Variants in KIAA0586 observed in about 807,000 individuals in gnomAD.
The protein encoded by KIAA0586 is KIAA0586, also known as protein TALPID3.
KIAA0586 carries 144 observed loss-of-function variants against 169.8 expected under a neutral mutation model. The ratio of observed to expected loss-of-function variants is 0.85; its 90% CI spans 0.74 to 0.97. KIAA0586 has a LOEUF of 0.97. Ranked by LOEUF, KIAA0586 falls within the 50% of genes least tolerant of loss-of-function variation. The pLI is 0.00. For synonymous variants in KIAA0586, 625 were observed against 612.4 expected (o/e 1.02, Z -0.30); for missense variants, 1,854 against 1,823.0 (o/e 1.02, Z -0.31).
chr14:58,513,305 A>G (rs1738791298), intron 29 of KIAA0586, among the ~76,000 whole-genome samples: 1 of 152,124 alleles, frequency 6.6e-6, no homozygotes, highest in Non-Finnish European at 1.5e-5. Flanking sequence ...TGGAAGAAGT[A>G]TTAGAAATAT....
chr14:58,484,900 A>ATATTTATATATATTTTTT (rs1555391503), intron 21 of KIAA0586, among the ~76,000 whole-genome samples: 2 of 9,164 alleles, frequency 2.2e-4, no homozygotes, highest in African/African-American at 3.3e-4. Context: ...TTATATATAT[A>ATATTTATATATATTTTTT]TATATATATA....
At chr14:58,547,212 T>C (rs1028136615) in intron 30 of KIAA0586, among the ~76,000 whole-genome samples, 1 of 151,986 alleles carries the variant, frequency 6.6e-6, no homozygotes. Context: ...CTGGCTATTA[T>C]AGTGTTTTAT....
intron 4 of KIAA0586, 61 bp from the exon 5 acceptor site, chr14:58,442,645 A>G (rs2038495652): frequency 3.3e-6 from 4 of 1,203,526 alleles, no homozygotes; most frequent in Non-Finnish European, 3.4e-6. Context: ...TTTGTTAAGT[A>G]TTTCTTGAAA....
intron 20 of KIAA0586, among the ~76,000 whole-genome samples, chr14:58,481,773 C>A (rs544031080): frequency 2.0e-5 from 3 of 151,060 alleles, no homozygotes; most frequent in Non-Finnish European, 4.4e-5. Context: ...CACCCTCCCC[C>A]ACCCACCCCC....
rs185998219 is a variant in KIAA0586 at position 58,527,023 on chromosome 14, G to A, written c.4430-13048G>A. 3.9e-5 allele frequency among the ~76,000 whole-genome samples: 6 copies of A among 152,148 alleles called. No individual in the cohort carries two copies. The East Asian group carries it at 1.2e-3, about 29-fold the overall frequency. ...AGAAGAACATAAATGACCTGATGGA[G>A]CTGAAAAACACAGCTCCAGAACTTT... is the stretch of plus-strand genomic sequence containing the variant. On this transcript the variant is annotated intron_variant, in intron 29 of 30. Coordinates refer to ENST00000652326, the MANE Select transcript of KIAA0586 (RefSeq NM_001329943.3).
rs554146998 is a variant in KIAA0586, at chr14:58,432,546, A to C, written c.410+89A>C. 2,112 of 678,182 alleles carry C rather than the reference A, an allele frequency of 3.1e-3. 11 individuals are homozygous for C. The highest frequency in any genetic ancestry group is 4.5e-3 in the Non-Finnish European group (1,784 of 395,326). 42.0% of individuals were successfully genotyped at this position (678,182 alleles called of 1,614,324 possible). ...TGGACATATGAAAAACCTTTTCACT[A>C]TGTGAAATATATATTGTGTGATATG... On this transcript the variant is annotated intron_variant, in intron 4 of 30. Coordinates refer to ENST00000652326, the MANE Select transcript of KIAA0586 (RefSeq NM_001329943.3).
intron 29 of KIAA0586, among the ~76,000 whole-genome samples, chr14:58,536,505 T>G (rs953329518): frequency 1.3e-5 from 2 of 152,214 alleles, no homozygotes; most frequent in Non-Finnish European, 1.5e-5. Context: ...CTGTGTAGTA[T>G]TCCTTGAAAA....
rs56304921 is a variant in KIAA0586, at chr14:58,531,337, A to T, written c.4430-8734A>T. ...CCGAGACTCCGTCTCAAAAAAAAAAAAAAATAAAATAAATAAAAAATAAAA... is the reference window on the plus strand; with the variant it reads ...CCGAGACTCCGTCTCAAAAAAAAAATAAAATAAAATAAATAAAAAATAAAA... On this transcript the variant is annotated intron_variant, in intron 29 of 30. Transcript: ENST00000652326. Among the ~76,000 whole-genome samples the T allele has an allele frequency of 3.9e-3, 576 of 147,464 alleles. 5 individuals are homozygous for T. The highest frequency in any genetic ancestry group is 0.022 in the East Asian group (113 of 5,154).
At chr14:58,487,281 A>G in intron 22 of KIAA0586, 115 bp downstream of exon 22, 2 of 919,778 alleles carry the variant, frequency 2.2e-6, no homozygotes, top group Non-Finnish European at 3.2e-6. Context: ...CTCACAAGGA[A>G]ATTTAGGAAT....
intron 27 of KIAA0586, 115 bp from the exon 28 acceptor site, chr14:58,508,440 G>T: frequency 1.3e-6 from 1 of 790,262 alleles, no homozygotes. Flanking sequence ...GAAGTACACT[G>T]CTAGTTCTAA....
At position 58,450,749 on chromosome 14, in the gene KIAA0586, A is replaced by T. The variant is rs1277675458; in HGVS notation, c.1129+3A>T. 1 of 1,581,100 alleles carries T rather than the reference A, an allele frequency of 6.3e-7. No individual in the cohort carries two copies. The highest frequency in any genetic ancestry group is 8.7e-7 in the Non-Finnish European group (1 of 1,152,942). On this transcript the variant is annotated splice_donor_region_variant and intron_variant, in intron 8 of 30. Transcript: ENST00000652326. The stretch of plus-strand genomic sequence containing the variant: ...TATGGAAGTGTCGTGTCACAGAGGT[A>T]ATAGAGACTTTTACTAGACCTATCC...
intron 19 of KIAA0586, among the ~76,000 whole-genome samples, chr14:58,476,096 TCAAAA>T (rs1287724915): frequency 1.3e-5 from 2 of 152,140 alleles, no homozygotes; most frequent in Non-Finnish European, 2.9e-5. Context: ...AGATTCTGTC[TCAAAA>T]CAAAACAAAA....
At chr14:58,451,970 A>C (rs2039429922) in intron 8 of KIAA0586, among the ~76,000 whole-genome samples, 2 of 152,220 alleles carry the variant, frequency 1.3e-5, no homozygotes. Flanking sequence ...GGCGTGAGCT[A>C]CTGCGCCCGG....
chr14:58,440,738 G>A (rs1287350748), intron 4 of KIAA0586, among the ~76,000 whole-genome samples: 3 of 152,182 alleles, frequency 2.0e-5, no homozygotes, highest in Admixed American at 2.0e-4. Flanking sequence ...AGTGAAATAA[G>A]CCAGGCACAG....
chr14:58,443,724 A>AT (rs894760054), intron 5 of KIAA0586, among the ~76,000 whole-genome samples: 6 of 151,298 alleles, frequency 4.0e-5, no homozygotes, highest in East Asian at 1.9e-4. Flanking sequence ...CGCCTGGCCA[A>AT]TTTTTTTTTC....
At chr14:58,492,872 A>G (rs1286695051) in intron 26 of KIAA0586, among the ~76,000 whole-genome samples, 1 of 152,242 alleles carries the variant, frequency 6.6e-6, no homozygotes, top group Non-Finnish European at 1.5e-5. Context: ...ATATTAAAGC[A>G]TATTTGGAAA....
intron 28 of KIAA0586, among the ~76,000 whole-genome samples, chr14:58,509,194 G>A (rs2044212988): frequency 6.6e-6 from 1 of 151,970 alleles, no homozygotes; most frequent in African/African-American, 2.4e-5. Context: ...CACTCCAGCT[G>A]GTGACAGAGT....
intron 19 of KIAA0586, among the ~76,000 whole-genome samples, chr14:58,475,700 T>A (rs897348577): frequency 6.6e-5 from 10 of 152,092 alleles, no homozygotes; most frequent in Non-Finnish European, 1.5e-4. Flanking sequence ...TCATGAAAAT[T>A]AGGTTTAGAA....
chr14:58,501,533 G>C (rs988114291), intron 27 of KIAA0586, among the ~76,000 whole-genome samples: 1 of 152,192 alleles, frequency 6.6e-6, no homozygotes, highest in Non-Finnish European at 1.5e-5. Flanking sequence ...AGCCTCTTCA[G>C]TCCTTTTTAA....
Sources: allele counts gnomAD v4.1 joint callset (sites outside exome capture counted in the v4.1 genomes callset), GRCh38; gene constraint gnomAD v4.1.1; transcripts MANE v1.5; gene names NCBI Gene and HGNC (gene_info 2026-07-23, HGNC 2026-07-21).